Variants in AKAP6 observed in about 807,000 individuals in gnomAD.
AKAP6 encodes A-kinase anchoring protein 6, also known as A-kinase anchor protein 6.
A neutral mutation model predicts 188.5 loss-of-function variants in AKAP6; 58 were observed. That is an observed-to-expected ratio of 0.31 (90% CI 0.25 to 0.38). AKAP6 has a LOEUF of 0.38. Among genes scored for constraint, AKAP6 ranks in the 10% least tolerant of loss-of-function variants. The probability of loss-of-function intolerance (pLI) is 1.00; values close to 1 mark genes in which losing one functional copy is unlikely to be tolerated. For synonymous variants in AKAP6, 989 were observed against 998.6 expected (o/e 0.99, Z 0.18); for missense variants, 2,710 against 2,740.0 (o/e 0.99, Z 0.24).
At chr14:32,458,368 C>T (rs1347901919) in intron 2 of AKAP6, among the ~76,000 whole-genome samples, 1 of 152,024 alleles carries the variant, frequency 6.6e-6, no homozygotes, top group Non-Finnish European at 1.5e-5. Context: ...TAAATACTGA[C>T]TTCAAAAAAT....
At chr14:32,588,621 T>G (rs1006044653) in intron 5 of AKAP6, among the ~76,000 whole-genome samples, 2 of 152,218 alleles carry the variant, frequency 1.3e-5, no homozygotes. Flanking sequence ...TTAAGATTGA[T>G]GCCTGCAATT....
intron 4 of AKAP6, among the ~76,000 whole-genome samples, chr14:32,550,290 T>A (rs1417804726): frequency 3.3e-5 from 5 of 152,206 alleles, no homozygotes. Context: ...GTGGTGCAGG[T>A]AATTTTTTAA....
chr14:32,420,410 C>T (rs1889802914), intron 1 of AKAP6, among the ~76,000 whole-genome samples: 1 of 151,424 alleles, frequency 6.6e-6, no homozygotes. Context: ...TCCTTTCTTC[C>T]TATAAAACTA....
intron 7 of AKAP6, among the ~76,000 whole-genome samples, chr14:32,642,194 T>G (rs1014969085): frequency 6.6e-6 from 1 of 152,178 alleles, no homozygotes; most frequent in African/African-American, 2.4e-5. Flanking sequence ...TAGTTATACA[T>G]CTATGATAAG....
chr14:32,558,892 C>T (rs983198388), intron 4 of AKAP6, among the ~76,000 whole-genome samples: 3 of 152,086 alleles, frequency 2.0e-5, no homozygotes, highest in African/African-American at 7.2e-5. Context: ...TCCCACTGGC[C>T]CACTTTGTCA....
chr14:32,522,573 C>G (rs1881899390), intron 2 of AKAP6, among the ~76,000 whole-genome samples: 1 of 152,154 alleles, frequency 6.6e-6, no homozygotes, highest in African/African-American at 2.4e-5. Context: ...ATGCAGCTAA[C>G]AGACACATGA....
intron 5 of AKAP6, among the ~76,000 whole-genome samples, chr14:32,589,944 G>A (rs1405479214): frequency 6.6e-6 from 1 of 152,260 alleles, no homozygotes; most frequent in East Asian, 1.9e-4. Context: ...CTCTCTCCAT[G>A]TGTAGATTCA....
At chr14:32,705,075 T>A (rs1566657273) in intron 9 of AKAP6, among the ~76,000 whole-genome samples, 1 of 152,220 alleles carries the variant, frequency 6.6e-6, no homozygotes, top group African/African-American at 2.4e-5. Context: ...ACTTCCTTTA[T>A]GTCCGTATCT....
At chr14:32,829,635 A>T (rs1485319396) in intron 13 of AKAP6, among the ~76,000 whole-genome samples, 3 of 150,322 alleles carry the variant, frequency 2.0e-5, no homozygotes, top group Non-Finnish European at 4.4e-5. Context: ...AAAAAAAATC[A>T]ATGTATTTTT....
At chr14:32,477,059 C>T (rs1331340168) in intron 2 of AKAP6, among the ~76,000 whole-genome samples, 2 of 152,108 alleles carry the variant, frequency 1.3e-5, no homozygotes, top group Non-Finnish European at 2.9e-5. Context: ...TTAGCTCTGG[C>T]TCATGGGTAT....
At chr14:32,736,383 A>G (rs1430785477) in intron 11 of AKAP6, among the ~76,000 whole-genome samples, 2 of 152,220 alleles carry the variant, frequency 1.3e-5, no homozygotes, top group African/African-American at 4.8e-5. Context: ...TTACAGGCAT[A>G]TTCCATTATA....
rs562292204 is a variant in AKAP6, at chr14:32,626,453, C to T, written c.2730+25661C>T. On this transcript the variant is annotated intron_variant, in intron 7 of 13. Transcript: ENST00000280979. ...CTCAAACTCCAGCTCAGAAGCCTTG[C>T]CAATGAATAAACTCAAAATCCTTAA... Among the ~76,000 whole-genome samples, 9 of 152,160 alleles carry T rather than the reference C, an allele frequency of 5.9e-5. No homozygotes were observed. The South Asian group carries it at 1.9e-3, about 32-fold the overall frequency.
At chr14:32,809,072 A>G (rs1454175580) in intron 12 of AKAP6, among the ~76,000 whole-genome samples, 1 of 152,236 alleles carries the variant, frequency 6.6e-6, no homozygotes, top group Non-Finnish European at 1.5e-5. Flanking sequence ...GTTTGTTAAA[A>G]TATAATGAGC....
chr14:32,673,925 A>G (rs1889325174), intron 7 of AKAP6, among the ~76,000 whole-genome samples: 1 of 152,166 alleles, frequency 6.6e-6, no homozygotes, highest in South Asian at 2.1e-4. Flanking sequence ...AAACCAGCAA[A>G]TGCAAGAATT....
intron 4 of AKAP6, among the ~76,000 whole-genome samples, chr14:32,567,022 A>G (rs112761369): frequency 0.097 from 14,779 of 152,142 alleles, 804 homozygotes; most frequent in Admixed American, 0.11. Context: ...TCCTGGGCTC[A>G]AGCAATCCTC....
intron 1 of AKAP6, among the ~76,000 whole-genome samples, chr14:32,421,521 T>G (rs1889851089): frequency 6.6e-6 from 1 of 152,318 alleles, no homozygotes; most frequent in South Asian, 2.1e-4. Flanking sequence ...CTTTTTCTTA[T>G]TTTATGGATA....
chr14:32,803,480 G>A (rs1035339257), intron 12 of AKAP6, among the ~76,000 whole-genome samples: 31 of 152,012 alleles, frequency 2.0e-4, no homozygotes, highest in African/African-American at 5.8e-4. Context: ...AAAATGCATC[G>A]TTTTATAGAA....
At chr14:32,436,940 A>C (rs1408675783) in intron 2 of AKAP6, among the ~76,000 whole-genome samples, 1 of 152,186 alleles carries the variant, frequency 6.6e-6, no homozygotes, top group African/African-American at 2.4e-5. Context: ...AACTAAAGTA[A>C]TAAATATGTA....
chr14:32,716,946 A>G (rs1034725905), intron 9 of AKAP6, among the ~76,000 whole-genome samples: 4 of 152,142 alleles, frequency 2.6e-5, no homozygotes, highest in African/African-American at 9.6e-5. Context: ...AAAATTTCTT[A>G]CAAGTATGAT....
Sources: gnomAD v4.1 joint callset for allele counts (sites outside exome capture counted in the v4.1 genomes callset) on GRCh38, gnomAD v4.1.1 for gene constraint, MANE v1.5 for transcripts, NCBI Gene and HGNC (gene_info 2026-07-23, HGNC 2026-07-21) for gene names.